NHLRC2: variants seen among roughly 807,000 people sequenced by gnomAD.
The protein encoded by NHLRC2 is NHL repeat-containing protein 2.
A neutral mutation model predicts 68.1 loss-of-function variants in NHLRC2; 33 were observed. The ratio of observed to expected loss-of-function variants is 0.48; its 90% confidence interval spans 0.37 to 0.65. The LOEUF (loss-of-function observed/expected upper bound fraction) is 0.65. Ranked by LOEUF, NHLRC2 falls within the 30% of genes least tolerant of loss-of-function variation. The pLI is 0.00. For missense variants in NHLRC2, 761 were observed against 853.8 expected (o/e 0.89, Z 1.35); for synonymous variants, 311 against 309.6 (o/e 1.00, Z -0.05).
chr10:113,892,384 A>C lies in NHLRC2; in HGVS notation c.1040-5726A>C, dbSNP rs186136546. Among the ~76,000 whole-genome samples, 7 of 152,300 alleles carry C rather than the reference A, an allele frequency of 4.6e-5. No homozygotes were observed. In the East Asian group the frequency reaches 1.4e-3, roughly 29 times the overall value. On this transcript the variant is annotated intron_variant, in intron 5 of 10. Coordinates refer to ENST00000369301, the MANE Select transcript of NHLRC2 (RefSeq NM_198514.4). ...TAATTTGTGATTGTTGAAAGTCAGT[A>C]ATATTAAGTGCACTCTTTTTTGTAA...
intron 5 of NHLRC2, among the ~76,000 whole-genome samples, chr10:113,890,007 T>G (rs1053214167): frequency 6.6e-6 from 1 of 152,152 alleles, no homozygotes; most frequent in African/African-American, 2.4e-5. Context: ...TTGTGCACAG[T>G]TTTTGTTTTG....
At chr10:113,875,339 T>C (rs970908835) in intron 2 of NHLRC2, among the ~76,000 whole-genome samples, 1 of 152,186 alleles carries the variant, frequency 6.6e-6, no homozygotes, top group Non-Finnish European at 1.5e-5. Flanking sequence ...CTGTTCCCTG[T>C]ACTGTAGTTT....
intron 2 of NHLRC2, among the ~76,000 whole-genome samples, chr10:113,875,519 G>A (rs1475344579): frequency 1.3e-5 from 2 of 152,224 alleles, no homozygotes; most frequent in Admixed American, 1.3e-4. Context: ...CTCCAAAACT[G>A]GAACCCACTC....
chr10:113,862,495 A>C (rs887605437), intron 2 of NHLRC2, among the ~76,000 whole-genome samples: 4 of 151,646 alleles, frequency 2.6e-5, no homozygotes, highest in East Asian at 1.9e-4. Flanking sequence ...AAAAAAAAAA[A>C]CAGTAATGTA....
At position 113,858,577 on chromosome 10, in the gene NHLRC2, A is replaced by G. The variant is rs1257225785; in HGVS notation, c.228A>G (p.Leu76=). 4 of 1,609,626 alleles carry G rather than the reference A, an allele frequency of 2.5e-6. No homozygotes were observed. Among genetic ancestry groups the G allele is most frequent in the African/African-American group, 1.3e-5 (1 of 74,842 alleles). Residue 76 remains leucine (L), a synonymous_variant, in exon 2 of 11, where the codon CTA becomes CTG. Transcript: ENST00000369301. ...TEEPISVYKD[L]CGKIVVLDFF... ...AACCTATTTCTGTCTACAAGGATCTATGTGGAAAAATAGTCGTCCTTGATT... is the reference window on the plus strand; with the variant it reads ...AACCTATTTCTGTCTACAAGGATCTGTGTGGAAAAATAGTCGTCCTTGATT...
At position 113,863,249 on chromosome 10, in the gene NHLRC2, T is replaced by A. The variant is rs567906317; in HGVS notation, c.331+4569T>A. On this transcript the variant is annotated intron_variant, in intron 2 of 10. Transcript: ENST00000369301. ...CAAGTTAATTTCAATAGATTTTTTTTAAAGATAAATATTAAAGTATCTTTT... is the reference window on the plus strand; with the variant it reads ...CAAGTTAATTTCAATAGATTTTTTTAAAAGATAAATATTAAAGTATCTTTT... 2.6e-5 allele frequency among the ~76,000 whole-genome samples: 4 copies of A among 152,290 alleles called. No homozygotes were observed. The South Asian group carries it at 6.2e-4, about 24-fold the overall frequency.
In NHLRC2 at chr10:113,908,319, A is replaced by G; in HGVS notation, c.1964A>G (p.Asp655Gly). 6.2e-7 allele frequency: 1 copy of G among 1,613,706 alleles called. No homozygotes were observed. Among genetic ancestry groups the G allele is most frequent in the Non-Finnish European group, 8.5e-7 (1 of 1,179,592 alleles). ...CTTCAAGGACAGATAGCAGCTGGAG[A>G]TATAGAGAACATTTCCAGTCAACCA... is the stretch of plus-strand genomic sequence containing the variant. ...WLLQGQIAAGDIENISSQPTI... is the reference protein window; with the variant it reads ...WLLQGQIAAGGIENISSQPTI... The change falls in exon 11 of 11, where the codon GAT becomes GGT. Residue 655 changes from aspartate to glycine, a missense_variant. By Grantham distance (94) the Asp-to-Gly change is moderately conservative (BLOSUM62 -1). Coordinates refer to ENST00000369301, the MANE Select transcript of NHLRC2 (RefSeq NM_198514.4).
At chr10:113,908,226 C>T (rs1846292521) in intron 10 of NHLRC2, 54 bp from the exon 11 acceptor site, 1 of 1,354,158 alleles carries the variant, frequency 7.4e-7, no homozygotes, top group Admixed American at 1.8e-5. Flanking sequence ...ATAAGATGTT[C>T]CCAGTTTTCT....
In NHLRC2 at chr10:113,908,388, C is replaced by G; in HGVS notation, c.2033C>G (p.Ala678Gly). 1 of 1,614,044 alleles carries G rather than the reference C, an allele frequency of 6.2e-7. No individual in the cohort carries two copies. The highest frequency in any genetic ancestry group is 8.5e-7 in the Non-Finnish European group (1 of 1,179,898). Residue 678 changes from alanine (A) to glycine (G), a missense_variant, in exon 11 of 11, where the codon GCC (alanine) becomes GGC (glycine). Physicochemically the swap from Ala to Gly is moderately conservative, Grantham distance 60 (BLOSUM62 0). Coordinates refer to ENST00000369301, the MANE Select transcript of NHLRC2 (RefSeq NM_198514.4). ...CCTGATGATTGCTTATCACTTGAAG[C>G]CATTGTATCTGTCAGTGTGTTTCTT... ...QIPDDCLSLE[A>G]IVSVSVFLYY...
At chr10:113,898,042 T>G in intron 5 of NHLRC2, 68 bp from the exon 6 acceptor site, 1 of 840,540 alleles carries the variant, frequency 1.2e-6, no homozygotes, top group Admixed American at 2.6e-5. Context: ...AATTTAACAT[T>G]TTAAAACCAT....
chr10:113,869,319 C>T (rs144337202), intron 2 of NHLRC2, among the ~76,000 whole-genome samples: 48 of 152,244 alleles, frequency 3.2e-4, no homozygotes, highest in African/African-American at 9.6e-4. Flanking sequence ...CATGCAGTGA[C>T]AGGAAACACT....
intron 2 of NHLRC2, among the ~76,000 whole-genome samples, chr10:113,871,160 G>A (rs1414395348): frequency 6.6e-6 from 1 of 151,718 alleles, no homozygotes; most frequent in Non-Finnish European, 1.5e-5. Context: ...AAGTAGCTGG[G>A]ATTACGTGGA....
intron 2 of NHLRC2, among the ~76,000 whole-genome samples, chr10:113,870,117 T>TA (rs1845908394): frequency 6.6e-6 from 1 of 152,196 alleles, no homozygotes; most frequent in South Asian, 2.1e-4. Context: ...ATTCAGAAAT[T>TA]ACTTAGGCTA....
chr10:113,867,148 C>T (rs1360971566), intron 2 of NHLRC2, among the ~76,000 whole-genome samples: 1 of 152,168 alleles, frequency 6.6e-6, no homozygotes, highest in Admixed American at 6.5e-5. Flanking sequence ...ACATTTTAGG[C>T]AAAGTGAGCC....
intron 6 of NHLRC2, among the ~76,000 whole-genome samples, chr10:113,899,787 G>A (rs1236512571): frequency 2.0e-5 from 3 of 152,016 alleles, no homozygotes; most frequent in Non-Finnish European, 4.4e-5. Context: ...GCGTGGTGGC[G>A]CTTGCCTGTA....
intron 10 of NHLRC2, among the ~76,000 whole-genome samples, chr10:113,907,421 A>G (rs143022983): frequency 1.4e-4 from 21 of 150,796 alleles, no homozygotes; most frequent in Non-Finnish European, 2.9e-4. Context: ...CTCCATTTAC[A>G]TGGTGGGAAA....
rs1846389220 is a variant in NHLRC2, at chr10:113,916,680, T to C, written c.*8144T>C. On this transcript the variant is annotated 3_prime_UTR_variant, in exon 11 of 11. Coordinates refer to ENST00000369301, the MANE Select transcript of NHLRC2 (RefSeq NM_198514.4). ...TTTAAATTATAACATTTCATAAATA[T>C]GTCAATTTTAGAAACTCAAACTCTT... is the stretch of plus-strand genomic sequence containing the variant. 6.6e-6 allele frequency: 1 copy of C among 152,206 alleles called. No individual in the cohort carries two copies. The highest frequency in any genetic ancestry group is 2.1e-4 in the South Asian group (1 of 4,834). The allele number at this position is 152,206 out of a possible 1,614,324, so 9.4% of individuals were successfully genotyped here. A position where few individuals can be genotyped will look rare whatever the true frequency, so the allele number is the denominator to read the frequency against.
At chr10:113,879,553 G>A (rs1564853819) in intron 3 of NHLRC2, 21 bp from the exon 4 acceptor site, 3 of 1,584,734 alleles carry the variant, frequency 1.9e-6, no homozygotes, top group East Asian at 2.3e-5. Context: ...TTCTTAAGTG[G>A]CAAATTTTAT....
chr10:113,891,094 A>G (rs1294577580), intron 5 of NHLRC2, among the ~76,000 whole-genome samples: 1 of 152,208 alleles, frequency 6.6e-6, no homozygotes, highest in Non-Finnish European at 1.5e-5. Context: ...TACAATTCAG[A>G]TTACAATTCG....
Sources: allele counts gnomAD v4.1 joint callset (sites outside exome capture counted in the v4.1 genomes callset), GRCh38; gene constraint gnomAD v4.1.1; transcripts MANE v1.5; gene names NCBI Gene and HGNC (gene_info 2026-07-23, HGNC 2026-07-21).